The following RIOK2 variants were observed in gnomAD, a reference collection of about 807,000 sequenced individuals.
RIOK2 encodes the protein serine/threonine-protein kinase RIO2.
In RIOK2, 46 loss-of-function variants were observed where a neutral mutation model predicts 62.4. That is an observed-to-expected ratio of 0.74 (90% confidence interval 0.58 to 0.94). The LOEUF (loss-of-function observed/expected upper bound fraction) is 0.94. RIOK2 is among the 40% of genes least tolerant of loss of function. The probability of loss-of-function intolerance (pLI) is 0.00; values close to 1 mark genes in which losing one functional copy is unlikely to be tolerated. For synonymous variants in RIOK2, 197 were observed against 216.0 expected (o/e 0.91, Z 0.77); for missense variants, 574 against 658.0 (o/e 0.87, Z 1.40).
intron 5 of RIOK2, among the ~76,000 whole-genome samples, chr5:97,172,846 C>T (rs1749053954): frequency 4.6e-5 from 7 of 152,164 alleles, no homozygotes; most frequent in Admixed American, 4.6e-4. Context: ...AATTGATATA[C>T]ATTTCCTTTA....
intron 5 of RIOK2, among the ~76,000 whole-genome samples, chr5:97,172,646 G>A (rs1343929711): frequency 6.6e-6 from 1 of 152,138 alleles, no homozygotes; most frequent in Non-Finnish European, 1.5e-5. Flanking sequence ...ACTGATTGAT[G>A]AGATCACATC....
intron 1 of RIOK2, among the ~76,000 whole-genome samples, chr5:97,182,287 G>A (rs1389935622): frequency 1.3e-5 from 2 of 152,028 alleles, no homozygotes; most frequent in Non-Finnish European, 2.9e-5. Flanking sequence ...CACCTTTTCC[G>A]CTACATCTCC....
chr5:97,170,037 A>G (rs535235242), intron 6 of RIOK2, among the ~76,000 whole-genome samples: 1 of 152,336 alleles, frequency 6.6e-6, no homozygotes, highest in East Asian at 1.9e-4. Flanking sequence ...TTTCTGTAGC[A>G]TAAGTATAGA....
intron 2 of RIOK2, 120 bp downstream of exon 2, chr5:97,178,935 G>T: frequency 8.9e-7 from 1 of 1,118,386 alleles, no homozygotes; most frequent in Admixed American, 2.0e-5. Context: ...AGTGTGTTCT[G>T]TCAGTTCTTC....
intron 2 of RIOK2, among the ~76,000 whole-genome samples, chr5:97,178,650 A>ATGCTCTCCTGCAGTACTCTACC (rs1749245470): frequency 9.1e-6 from 1 of 109,404 alleles, no homozygotes; most frequent in Non-Finnish European, 2.0e-5. Context: ...TGTACTCTAC[A>ATGCTCTCCTGCAGTACTCTACC]TGCTCTTCTG....
chr5:97,177,299 C>A lies in RIOK2; in HGVS notation c.323-8G>T, dbSNP rs1580276333. The A allele has an allele frequency of 6.2e-7, 1 of 1,600,624 alleles. No individual in the cohort carries two copies. Among genetic ancestry groups the A allele is most frequent in the Non-Finnish European group, 8.5e-7 (1 of 1,174,538 alleles). On this transcript the variant is annotated splice_region_variant and splice_polypyrimidine_tract_variant and intron_variant, in intron 3 of 9. Transcript: ENST00000283109. ...TTGCAACAATGTAAATATCTAGAGA[C>A]AAAATTTCAAAAACAACCATTATTA...
Position 97,180,071 on chromosome 5 carries a change from T to C in RIOK2, c.67-878A>G, listed in dbSNP as rs577342143. On this transcript the variant is annotated intron_variant, in intron 1 of 9. Transcript: ENST00000283109. ...TATTTTTAAATTTATTCCTCAGAGG[T>C]AAAAAGCACATATATATATATCTCT... Among the ~76,000 whole-genome samples the C allele has an allele frequency of 0.016, 220 of 13,572 alleles. 13 individuals carry two copies. In the East Asian group the frequency reaches 0.23, roughly 14 times the overall value. The allele number at this position is 13,572 out of a possible 152,430, so 8.9% of individuals were successfully genotyped here.
At chr5:97,179,633 TA>T (rs1484469586) in intron 1 of RIOK2, among the ~76,000 whole-genome samples, 2 of 151,752 alleles carry the variant, frequency 1.3e-5, no homozygotes, top group African/African-American at 4.8e-5. Flanking sequence ...TATGCAGCCA[TA>T]AAAAAGGATG....
At chr5:97,178,590 G>C (rs1749241283) in intron 2 of RIOK2, among the ~76,000 whole-genome samples, 1 of 140,982 alleles carries the variant, frequency 7.1e-6, no homozygotes, top group Admixed American at 7.2e-5. Flanking sequence ...TACTCTACAT[G>C]CTCTTCTGCA....
At chr5:97,165,324 CATTAACAATT>C (rs1479061757) in intron 8 of RIOK2, among the ~76,000 whole-genome samples, 177 bp from the exon 9 acceptor site, 1 of 152,168 alleles carries the variant, frequency 6.6e-6, no homozygotes, top group African/African-American at 2.4e-5. Flanking sequence ...AAGTTCTATA[CATTAACAATT>C]TTCATTTTCC....
intron 8 of RIOK2, among the ~76,000 whole-genome samples, chr5:97,165,958 G>T (rs1748833294): frequency 2.0e-5 from 3 of 152,212 alleles, no homozygotes. Flanking sequence ...CAGTGTGGGT[G>T]GACCTCATCC....
At chr5:97,176,564 T>C (rs902150423) in intron 4 of RIOK2, among the ~76,000 whole-genome samples, 7 of 152,120 alleles carry the variant, frequency 4.6e-5, no homozygotes, top group African/African-American at 9.7e-5. Context: ...CTGGGCTCCT[T>C]ACCTCAAGTA....
chr5:97,176,882 C>A (rs1056169057), intron 4 of RIOK2: 1 of 427,134 alleles, frequency 2.3e-6, no homozygotes, highest in Non-Finnish European at 4.2e-6. Context: ...GTCAGCATTA[C>A]AGAATGTGTT....
At position 97,173,183 on chromosome 5, in the gene RIOK2, A is replaced by T. The variant is rs1383206692; in HGVS notation, c.579T>A (p.Gly193=). 2.5e-6 allele frequency: 4 copies of T among 1,605,848 alleles called. No homozygotes were observed. The highest frequency in any genetic ancestry group is 3.4e-6 in the Non-Finnish European group (4 of 1,173,608). The change falls in exon 5 of 10, where the codon GGT becomes GGA. Residue 193 remains glycine, a synonymous_variant. Coordinates refer to ENST00000283109, the MANE Select transcript of RIOK2 (RefSeq NM_018343.3). ...RHAVVMELIN[G]YPLCQIHHVE... ...GAATAATGAATACTTACAGTGGATA[A>T]CCATTTATGAGTTCCATGACCACTG...
At chr5:97,182,344 C>A (rs1309987249) in intron 1 of RIOK2, among the ~76,000 whole-genome samples, 1 of 152,202 alleles carries the variant, frequency 6.6e-6, no homozygotes, top group Non-Finnish European at 1.5e-5. Context: ...TTACATTGGC[C>A]TTTCCTCTCT....
At chr5:97,164,846 A>G (rs144609670) in intron 9 of RIOK2, 33 of 367,846 alleles carry the variant, frequency 9.0e-5, no homozygotes, top group African/African-American at 5.2e-4. Flanking sequence ...TTTTACACAT[A>G]ATGGTGGCAG....
chr5:97,172,753 C>T (rs928958891), intron 5 of RIOK2, among the ~76,000 whole-genome samples: 2 of 152,176 alleles, frequency 1.3e-5, no homozygotes, highest in Admixed American at 6.5e-5. Context: ...CTTGACCACC[C>T]TACATAAAAC....
At chr5:97,170,797 A>C (rs1748982309) in intron 6 of RIOK2, among the ~76,000 whole-genome samples, 1 of 152,184 alleles carries the variant, frequency 6.6e-6, no homozygotes, top group Admixed American at 6.5e-5. Flanking sequence ...AGTATCACAA[A>C]ATTGAAAAAT....
At chr5:97,165,863 C>A (rs1188908804) in intron 8 of RIOK2, among the ~76,000 whole-genome samples, 3 of 152,078 alleles carry the variant, frequency 2.0e-5, no homozygotes, top group African/African-American at 4.8e-5. Context: ...CCTCAGGGTG[C>A]CATATATTTG....
Sources: gnomAD v4.1 joint callset for allele counts (sites outside exome capture counted in the v4.1 genomes callset) on GRCh38, gnomAD v4.1.1 for gene constraint, MANE v1.5 for transcripts, NCBI Gene and HGNC (gene_info 2026-07-23, HGNC 2026-07-21) for gene names.